Variants in SUMF1 observed in about 807,000 individuals in gnomAD.
SUMF1 encodes the protein sulfatase modifying factor 1.
A neutral mutation model predicts 47.6 loss-of-function variants in SUMF1; 48 were observed. That is an observed-to-expected ratio of 1.01 (90% CI 0.80 to 1.28). SUMF1 has a LOEUF of 1.28. Ranked by LOEUF, SUMF1 falls within the 50% of genes most tolerant of loss-of-function variation. SUMF1 has a pLI of 0.00. For synonymous variants in SUMF1, 230 were observed against 192.1 expected, an observed-to-expected ratio of 1.20 and a Z score of -1.63; for missense variants, 571 against 485.4, an observed-to-expected ratio of 1.18 and a Z score of -1.66.
chr3:4,435,710 G>C (rs375055418), intron 3 of SUMF1, among the ~76,000 whole-genome samples: 4 of 152,284 alleles, frequency 2.6e-5, no homozygotes, highest in African/African-American at 9.6e-5. Context: ...CAATCATGTA[G>C]ACCAGAAAAG....
chr3:4,233,899 C>T (rs1696353787), intron 8 of SUMF1, among the ~76,000 whole-genome samples: 3 of 152,120 alleles, frequency 2.0e-5, no homozygotes. Context: ...CATTTGTACC[C>T]AGAGATGCTC....
chr3:4,301,083 G>T (rs1281646783), intron 8 of SUMF1, among the ~76,000 whole-genome samples: 1 of 152,092 alleles, frequency 6.6e-6, no homozygotes, highest in African/African-American at 2.4e-5. Context: ...TAGTTGCAGG[G>T]AACATAAGAA....
intron 9 of SUMF1, among the ~76,000 whole-genome samples, chr3:4,068,184 T>A (rs1695423507): frequency 6.6e-6 from 1 of 152,142 alleles, no homozygotes; most frequent in Non-Finnish European, 1.5e-5. Flanking sequence ...CAAAGTTCCC[T>A]CCTGTGGTCA....
intron 9 of SUMF1, among the ~76,000 whole-genome samples, chr3:4,051,892 C>A (rs1179804906): frequency 2.0e-5 from 3 of 152,124 alleles, no homozygotes; most frequent in Non-Finnish European, 4.4e-5. Context: ...TGAGTAAGGT[C>A]AGTACTGCAC....
intron 7 of SUMF1, among the ~76,000 whole-genome samples, chr3:4,396,939 T>C (rs1326394666): frequency 2.0e-5 from 3 of 152,240 alleles, no homozygotes; most frequent in Non-Finnish European, 4.4e-5. Flanking sequence ...CCAGTCAACC[T>C]AAACACAGAA....
intron 7 of SUMF1, among the ~76,000 whole-genome samples, chr3:4,381,254 A>G (rs1459783617): frequency 4.6e-5 from 7 of 152,180 alleles, no homozygotes; most frequent in Non-Finnish European, 8.8e-5. Context: ...ACCAAACATC[A>G]TATGTTCTCA....
intron 8 of SUMF1, among the ~76,000 whole-genome samples, chr3:4,325,997 T>A (rs924583261): frequency 6.6e-6 from 1 of 152,142 alleles, no homozygotes; most frequent in South Asian, 2.1e-4. Context: ...GATTTCTGTA[T>A]TTTTAGTTGA....
intron 8 of SUMF1, among the ~76,000 whole-genome samples, chr3:4,267,760 A>G (rs1697226001): frequency 6.7e-6 from 1 of 150,094 alleles, no homozygotes; most frequent in Admixed American, 6.7e-5. Flanking sequence ...GGATGTGGAG[A>G]AATAGGAACA....
intron 8 of SUMF1, among the ~76,000 whole-genome samples, chr3:4,234,667 C>T (rs907218146): frequency 6.6e-6 from 1 of 152,096 alleles, no homozygotes; most frequent in African/African-American, 2.4e-5. Flanking sequence ...TTAGTGGTTC[C>T]TATTCCAGAC....
At chr3:4,455,518 C>T (rs1197000380) in intron 1 of SUMF1, among the ~76,000 whole-genome samples, 1 of 152,182 alleles carries the variant, frequency 6.6e-6, no homozygotes, top group East Asian at 1.9e-4. Context: ...GAATTTCAGG[C>T]CAGCCTGGCC....
intron 8 of SUMF1, among the ~76,000 whole-genome samples, chr3:4,298,046 A>G (rs1194229895): frequency 6.6e-6 from 1 of 152,128 alleles, no homozygotes; most frequent in African/African-American, 2.4e-5. Flanking sequence ...TTTTCTTTTT[A>G]TTTTTTTATT....
intron 9 of SUMF1, among the ~76,000 whole-genome samples, chr3:4,061,875 G>A (rs1695281596): frequency 6.6e-6 from 1 of 152,106 alleles, no homozygotes; most frequent in Non-Finnish European, 1.5e-5. Context: ...CAAACTTAAA[G>A]TATGTAAGGA....
chr3:4,246,563 G>A (rs547673367), intron 8 of SUMF1, among the ~76,000 whole-genome samples: 47 of 152,022 alleles, frequency 3.1e-4, no homozygotes, highest in African/African-American at 8.4e-4. Flanking sequence ...CACCATGCCC[G>A]GCTAATTATT....
chr3:4,339,780 T>C (rs1298709330), intron 8 of SUMF1, among the ~76,000 whole-genome samples: 1 of 152,130 alleles, frequency 6.6e-6, no homozygotes, highest in Non-Finnish European at 1.5e-5. Flanking sequence ...CAGAGGCTTT[T>C]TGAAACACTG....
intron 8 of SUMF1, among the ~76,000 whole-genome samples, chr3:4,147,108 C>A (rs950779761): frequency 6.6e-6 from 1 of 152,048 alleles, no homozygotes; most frequent in African/African-American, 2.4e-5. Flanking sequence ...ATCAAAACCA[C>A]AATGAGATAC....
chr3:4,281,785 G>A (rs987049118), intron 8 of SUMF1, among the ~76,000 whole-genome samples: 1 of 152,154 alleles, frequency 6.6e-6, no homozygotes, highest in Non-Finnish European at 1.5e-5. Context: ...CTGGAGGGTA[G>A]AGTGGAAGGA....
intron 7 of SUMF1, among the ~76,000 whole-genome samples, chr3:4,378,802 TACA>T (rs1310521847): frequency 6.6e-6 from 1 of 152,248 alleles, no homozygotes; most frequent in Non-Finnish European, 1.5e-5. Flanking sequence ...CATGCTCTGT[TACA>T]ATGTATCAAA....
At chr3:4,078,206 T>C (rs1692481411) in intron 8 of SUMF1, among the ~76,000 whole-genome samples, 1 of 152,100 alleles carries the variant, frequency 6.6e-6, no homozygotes, top group African/African-American at 2.4e-5. Flanking sequence ...GCATACAAGC[T>C]GAATCTATGG....
intron 8 of SUMF1, among the ~76,000 whole-genome samples, chr3:4,309,096 T>A (rs1698305079): frequency 6.6e-6 from 1 of 152,220 alleles, no homozygotes; most frequent in African/African-American, 2.4e-5. Context: ...AAGGAATTGT[T>A]ATTGTCTAAA....
Sources: gnomAD v4.1 joint callset for allele counts (sites outside exome capture counted in the v4.1 genomes callset) on GRCh38, gnomAD v4.1.1 for gene constraint, MANE v1.5 for transcripts, NCBI Gene and HGNC (gene_info 2026-07-23, HGNC 2026-07-21) for gene names.